SHB: variants seen among roughly 807,000 people sequenced by gnomAD.
SHB encodes the protein SH2 domain containing adaptor protein B.
SHB carries 20 observed loss-of-function variants against 52.3 expected under a neutral mutation model. The observed-to-expected ratio is 0.38, with a 90% CI of 0.27 to 0.56. The LOEUF (loss-of-function observed/expected upper bound fraction) is 0.56. SHB is among the 20% of genes least tolerant of loss of function. The pLI is 0.71. For missense variants in SHB, 825 were observed against 723.3 expected (o/e 1.14, Z -1.61); for synonymous variants, 397 against 316.5 (o/e 1.25, Z -2.70).
chr9:38,046,670 C>T (rs989497200), intron 1 of SHB, among the ~76,000 whole-genome samples: 7 of 152,222 alleles, frequency 4.6e-5, no homozygotes, highest in Non-Finnish European at 7.3e-5. Context: ...GGGCAGGACG[C>T]AAGCCTCTAA....
chr9:37,936,815 CAG>C (rs1169967269), intron 5 of SHB: 1 of 152,188 alleles, frequency 6.6e-6, no homozygotes, highest in African/African-American at 2.4e-5. Flanking sequence ...TTTTACAAAA[CAG>C]AGAGAGGCTC....
chr9:38,004,098 T>TC (rs1821051807), intron 2 of SHB, among the ~76,000 whole-genome samples: 1 of 152,142 alleles, frequency 6.6e-6, no homozygotes, highest in Non-Finnish European at 1.5e-5. Context: ...CTGGAGGTGC[T>TC]CCCAGGCCCC....
At chr9:38,064,914 G>C (rs963849985) in intron 1 of SHB, among the ~76,000 whole-genome samples, 18 of 152,182 alleles carry the variant, frequency 1.2e-4, no homozygotes, top group African/African-American at 4.1e-4. Flanking sequence ...CAGGAGGATT[G>C]CTTGAGCCCA....
intron 2 of SHB, among the ~76,000 whole-genome samples, chr9:37,983,723 T>C (rs1174720056): frequency 1.3e-5 from 2 of 152,252 alleles, no homozygotes; most frequent in African/African-American, 4.8e-5. Context: ...GTGGTAGGCA[T>C]GCCATCTGAT....
chr9:37,948,266 T>G (rs1832517151), intron 5 of SHB, among the ~76,000 whole-genome samples: 1 of 152,222 alleles, frequency 6.6e-6, no homozygotes, highest in Non-Finnish European at 1.5e-5. Context: ...TTTACTCATC[T>G]GCAAATTGGC....
chr9:37,931,955 AG>A lies in SHB; in HGVS notation c.1347-11952del, dbSNP rs150275154. Among the ~76,000 whole-genome samples, 1,266 of 152,056 alleles carry A rather than the reference AG, an allele frequency of 8.3e-3. 18 individuals carry two copies. The highest frequency in any genetic ancestry group is 0.029 in the African/African-American group (1,203 of 41,426). On this transcript the variant is annotated intron_variant, in intron 5 of 5. Transcript: ENST00000377707. The stretch of plus-strand genomic sequence containing the variant: ...CACAGGAATAGGCCTGAAGGACATT[AG>A]GGGCAGTGAAATAAGCCAGATACAG...
At chr9:37,996,114 C>T (rs1234540204) in intron 2 of SHB, among the ~76,000 whole-genome samples, 1 of 152,140 alleles carries the variant, frequency 6.6e-6, no homozygotes, top group East Asian at 1.9e-4. Flanking sequence ...ATGTCCAAGC[C>T]GAAATGACTG....
chr9:37,997,179 G>C (rs748461476), intron 2 of SHB, among the ~76,000 whole-genome samples: 2 of 152,200 alleles, frequency 1.3e-5, no homozygotes, highest in African/African-American at 2.4e-5. Context: ...CCCTCTGTAA[G>C]TTCTTGAAGC....
At chr9:37,994,366 C>T (rs1054473996) in intron 2 of SHB, among the ~76,000 whole-genome samples, 1 of 152,236 alleles carries the variant, frequency 6.6e-6, no homozygotes, top group Non-Finnish European at 1.5e-5. Flanking sequence ...CTCATTCCAA[C>T]TTGATCAGGT....
intron 5 of SHB, among the ~76,000 whole-genome samples, chr9:37,934,472 T>C (rs966001399): frequency 2.0e-5 from 3 of 152,124 alleles, no homozygotes; most frequent in African/African-American, 7.2e-5. Context: ...CTAATTAATT[T>C]TTTTTTTTTG....
chr9:38,065,644 C>T (rs911807291), intron 1 of SHB, among the ~76,000 whole-genome samples: 9 of 152,194 alleles, frequency 5.9e-5, no homozygotes, highest in African/African-American at 2.2e-4. Flanking sequence ...AACATCTGGA[C>T]AACTTCTCAA....
intron 3 of SHB, among the ~76,000 whole-genome samples, chr9:37,964,654 AGGTCTCCTGAGTCCT>A (rs1832729355): frequency 6.6e-6 from 1 of 152,206 alleles, no homozygotes. Context: ...ACTTGAGTCC[AGGTCTCCTGAGTCCT>A]GGAGGCCCCT....
intron 1 of SHB, among the ~76,000 whole-genome samples, chr9:38,045,683 A>G (rs561312202): frequency 6.6e-6 from 1 of 152,164 alleles, no homozygotes; most frequent in South Asian, 2.1e-4. Context: ...AATGAACCTG[A>G]CTATACAACG....
At chr9:37,986,791 C>G (rs988311912) in intron 2 of SHB, among the ~76,000 whole-genome samples, 1 of 152,214 alleles carries the variant, frequency 6.6e-6, no homozygotes, top group Non-Finnish European at 1.5e-5. Context: ...TCCCCGGGGC[C>G]CCTGTGCTGC....
chr9:38,061,130 G>A (rs1821886912), intron 1 of SHB, among the ~76,000 whole-genome samples: 1 of 152,124 alleles, frequency 6.6e-6, no homozygotes, highest in South Asian at 2.1e-4. Context: ...CCAGGAGTTT[G>A]AGATCAGCCT....
intron 5 of SHB, among the ~76,000 whole-genome samples, chr9:37,922,500 C>T (rs1313607913): frequency 2.0e-5 from 3 of 152,162 alleles, no homozygotes; most frequent in Admixed American, 6.5e-5. Flanking sequence ...TAGACGTCCC[C>T]GGGAAGTCCC....
At chr9:37,990,114 T>C (rs1820864702) in intron 2 of SHB, among the ~76,000 whole-genome samples, 1 of 152,102 alleles carries the variant, frequency 6.6e-6, no homozygotes, top group Non-Finnish European at 1.5e-5. Context: ...CTTGATTGAG[T>C]AGAGATGGCC....
intron 5 of SHB, among the ~76,000 whole-genome samples, chr9:37,923,344 A>C (rs1362198544): frequency 1.3e-5 from 2 of 152,222 alleles, no homozygotes; most frequent in Non-Finnish European, 2.9e-5. Context: ...GGCTGGGAGT[A>C]AAAGACAATG....
intron 5 of SHB, among the ~76,000 whole-genome samples, chr9:37,942,964 G>A (rs1832451830): frequency 1.3e-5 from 2 of 152,132 alleles, no homozygotes. Context: ...AGTACTCATG[G>A]GCCCCCTAGT....
Sources: gnomAD v4.1 joint callset for allele counts (sites outside exome capture counted in the v4.1 genomes callset) on GRCh38, gnomAD v4.1.1 for gene constraint, MANE v1.5 for transcripts, NCBI Gene and HGNC (gene_info 2026-07-23, HGNC 2026-07-21) for gene names.